ZBTB20: variants seen among roughly 807,000 people sequenced by gnomAD.
ZBTB20 encodes the protein zinc finger and BTB domain containing 20.
ZBTB20 carries 9 observed loss-of-function variants against 56.9 expected under a neutral mutation model. The ratio of observed to expected loss-of-function variants is 0.16; its 90% confidence interval spans 0.10 to 0.28. The LOEUF (loss-of-function observed/expected upper bound fraction) is 0.28. Ranked by LOEUF, ZBTB20 falls within the 10% of genes least tolerant of loss-of-function variation. ZBTB20 has a pLI of 1.00. For synonymous variants in ZBTB20, 417 were observed against 420.7 expected (o/e 0.99, Z 0.11); for missense variants, 655 against 1,003.0 (o/e 0.65, Z 4.69).
intron 2 of ZBTB20, among the ~76,000 whole-genome samples, chr3:115,045,845 T>G (rs1050893208): frequency 6.6e-6 from 1 of 152,186 alleles, no homozygotes; most frequent in African/African-American, 2.4e-5. Context: ...TCTCCTCATA[T>G]TTTAAGATTC....
intron 6 of ZBTB20, among the ~76,000 whole-genome samples, chr3:114,600,542 T>C (rs1300856894): frequency 2.0e-5 from 3 of 152,030 alleles, no homozygotes; most frequent in Non-Finnish European, 4.4e-5. Flanking sequence ...ATTCCTTTAA[T>C]GTGAGATTCT....
chr3:115,069,510 TA>T (rs1419870518), intron 2 of ZBTB20, among the ~76,000 whole-genome samples: 3 of 152,096 alleles, frequency 2.0e-5, no homozygotes, highest in African/African-American at 7.2e-5. Flanking sequence ...CGCTTTTACT[TA>T]TGTCACACAT....
chr3:115,083,961 A>T (rs184859816), intron 1 of ZBTB20, among the ~76,000 whole-genome samples: 1 of 152,108 alleles, frequency 6.6e-6, no homozygotes, highest in East Asian at 1.9e-4. Flanking sequence ...ATTATTCAAC[A>T]TGCTCATAAC....
chr3:114,390,228 T>C (rs976682180), intron 7 of ZBTB20, among the ~76,000 whole-genome samples: 1 of 152,206 alleles, frequency 6.6e-6, no homozygotes, highest in Non-Finnish European at 1.5e-5. Flanking sequence ...TCCCCATATA[T>C]CATGGATGAC....
chr3:115,109,600 G>A (rs927740672), intron 1 of ZBTB20, among the ~76,000 whole-genome samples: 2 of 152,010 alleles, frequency 1.3e-5, no homozygotes, highest in Non-Finnish European at 2.9e-5. Context: ...AGTAAACGTC[G>A]GGCCTAACAT....
At chr3:114,866,153 C>T (rs1448417114) in intron 4 of ZBTB20, among the ~76,000 whole-genome samples, 3 of 152,174 alleles carry the variant, frequency 2.0e-5, no homozygotes, top group African/African-American at 7.2e-5. Context: ...TAAATAATAG[C>T]TGTTCTTCAC....
At chr3:114,876,586 G>A (rs1016713760) in intron 4 of ZBTB20, 4 of 152,132 alleles carry the variant, frequency 2.6e-5, no homozygotes, top group Admixed American at 2.0e-4. Context: ...AGTTAAAACT[G>A]GACTCTAGTA....
At chr3:114,848,410 C>G (rs775922799) in intron 4 of ZBTB20, among the ~76,000 whole-genome samples, 10 of 152,150 alleles carry the variant, frequency 6.6e-5, no homozygotes, top group African/African-American at 9.7e-5. Context: ...TGCAAGTCAG[C>G]CTGATTATGA....
chr3:114,503,933 T>G (rs2044294674), intron 6 of ZBTB20, among the ~76,000 whole-genome samples: 1 of 152,100 alleles, frequency 6.6e-6, no homozygotes, highest in Non-Finnish European at 1.5e-5. Flanking sequence ...AATCTCTTTC[T>G]CCAGAAAACT....
chr3:114,597,842 G>C (rs1409730286), intron 6 of ZBTB20, among the ~76,000 whole-genome samples: 1 of 152,086 alleles, frequency 6.6e-6, no homozygotes, highest in African/African-American at 2.4e-5. Flanking sequence ...TTTTGTTTTT[G>C]CATCAACTTT....
In ZBTB20 at chr3:114,587,072, C is replaced by T. The variant is rs543285412; in HGVS notation, c.-294-86681G>A. On this transcript the variant is annotated intron_variant, in intron 6 of 11. Coordinates refer to ENST00000675478, the MANE Select transcript of ZBTB20 (RefSeq NM_001348800.3). ...AGTGCAATGGTGTGATCTTGGCTCA[C>T]GGCAACCTCCATCTCCCGGGTTCAA... Among the ~76,000 whole-genome samples the T allele has an allele frequency of 1.1e-4, 16 of 145,560 alleles. No individual in the cohort carries two copies. In the South Asian group the frequency reaches 2.2e-3, roughly 20 times the overall value.
At chr3:114,884,018 C>A (rs1483531839) in intron 4 of ZBTB20, among the ~76,000 whole-genome samples, 1 of 139,006 alleles carries the variant, frequency 7.2e-6, no homozygotes, top group East Asian at 2.2e-4. Flanking sequence ...CTCCGCCTCC[C>A]GGGTTCACGC....
chr3:115,055,110 T>C (rs1193628769), intron 2 of ZBTB20, among the ~76,000 whole-genome samples: 1 of 151,968 alleles, frequency 6.6e-6, no homozygotes, highest in Non-Finnish European at 1.5e-5. Flanking sequence ...TTATCACTAA[T>C]ATATATAGCC....
intron 7 of ZBTB20, among the ~76,000 whole-genome samples, chr3:114,454,175 GGA>G (rs71146322): frequency 0.034 from 3,951 of 116,572 alleles, 70 homozygotes; most frequent in African/African-American, 0.044. Flanking sequence ...AAAAGAGAAG[GGA>G]GAGAGAGAGA....
In ZBTB20 at chr3:115,123,818, G is replaced by A. The variant is rs138691487; in HGVS notation, c.-703+23401C>T. On this transcript the variant is annotated intron_variant, in intron 1 of 11. Transcript: ENST00000675478. ...ACTTCATTCTCCTGAATAAAAATAC[G>A]TGGCACTAGTACAGGACTGAGGAGA... Among the ~76,000 whole-genome samples, 381 of 152,110 alleles carry A rather than the reference G, an allele frequency of 2.5e-3. 1 individual carries two copies. The highest frequency in any genetic ancestry group is 4.2e-3 in the Non-Finnish European group (287 of 67,974).
intron 5 of ZBTB20, among the ~76,000 whole-genome samples, chr3:114,762,354 C>T (rs1158961423): frequency 1.3e-5 from 2 of 152,164 alleles, no homozygotes; most frequent in African/African-American, 4.8e-5. Context: ...TTGCCAACTC[C>T]GGGCACTCTG....
intron 6 of ZBTB20, among the ~76,000 whole-genome samples, chr3:114,651,572 A>C (rs1336202071): frequency 6.9e-6 from 1 of 144,066 alleles, no homozygotes; most frequent in Non-Finnish European, 1.5e-5. Context: ...AAAAAAAAAA[A>C]GGAAAAACGA....
intron 6 of ZBTB20, among the ~76,000 whole-genome samples, chr3:114,527,068 C>T (rs1559913068): frequency 1.3e-5 from 2 of 152,026 alleles, no homozygotes; most frequent in African/African-American, 2.4e-5. Context: ...TCTATGAAAA[C>T]GGCAGCATAT....
chr3:114,767,204 G>T (rs918239825), intron 5 of ZBTB20, among the ~76,000 whole-genome samples: 2 of 151,960 alleles, frequency 1.3e-5, no homozygotes, highest in East Asian at 3.8e-4. Flanking sequence ...TGATATTCAA[G>T]TAGGGACCCA....
Sources: allele counts gnomAD v4.1 joint callset (sites outside exome capture counted in the v4.1 genomes callset), GRCh38; gene constraint gnomAD v4.1.1; transcripts MANE v1.5; gene names NCBI Gene and HGNC (gene_info 2026-07-23, HGNC 2026-07-21).